The following AOAH variants were observed in gnomAD, a reference collection of about 807,000 sequenced individuals.
AOAH encodes acyloxyacyl hydrolase (neutrophil).
Under a neutral mutation model 92.2 loss-of-function variants are expected in AOAH, and 64 were observed. That is an observed-to-expected ratio of 0.69 (90% confidence interval 0.57 to 0.86). The LOEUF is 0.86. Among genes scored for constraint, AOAH ranks in the 40% least tolerant of loss-of-function variants. The probability of loss-of-function intolerance (pLI) is 0.00; values close to 1 mark genes in which losing one functional copy is unlikely to be tolerated. For missense variants in AOAH, 656 were observed against 694.6 expected, an observed-to-expected ratio of 0.94 and a Z score of 0.62; for synonymous variants, 263 against 254.5, an observed-to-expected ratio of 1.03 and a Z score of -0.32.
chr7:36,680,260 C>A (rs538118252), intron 2 of AOAH, among the ~76,000 whole-genome samples: 91 of 152,208 alleles, frequency 6.0e-4, no homozygotes, highest in African/African-American at 2.1e-3. Flanking sequence ...GTGGATGAAA[C>A]TGAGGGTCAG....
intron 18 of AOAH, among the ~76,000 whole-genome samples, chr7:36,530,964 A>G (rs1168432935): frequency 6.6e-6 from 1 of 151,362 alleles, no homozygotes; most frequent in African/African-American, 2.4e-5. Flanking sequence ...TTACACCTTT[A>G]GATATACGAT....
At chr7:36,626,593 G>A (rs1005512597) in intron 6 of AOAH, among the ~76,000 whole-genome samples, 4 of 151,864 alleles carry the variant, frequency 2.6e-5, no homozygotes, top group Non-Finnish European at 5.9e-5. Flanking sequence ...ACTGATATAG[G>A]GCAATTCGTA....
intron 1 of AOAH, among the ~76,000 whole-genome samples, chr7:36,718,345 C>T (rs989962602): frequency 3.9e-5 from 6 of 152,270 alleles, no homozygotes; most frequent in Non-Finnish European, 7.4e-5. Flanking sequence ...AACTTTCATA[C>T]ACCGCTGGTA....
intron 12 of AOAH, among the ~76,000 whole-genome samples, chr7:36,582,546 CA>C (rs1347978229): frequency 6.6e-6 from 1 of 152,214 alleles, no homozygotes; most frequent in African/African-American, 2.4e-5. Flanking sequence ...TCAGGGAACA[CA>C]AAAAAATCAC....
At chr7:36,564,916 C>T (rs73342558) in intron 13 of AOAH, among the ~76,000 whole-genome samples, 438 of 152,270 alleles carry the variant, frequency 2.9e-3, no homozygotes, top group African/African-American at 0.01. Flanking sequence ...ATCAGAATGT[C>T]TCCATTATTT....
intron 1 of AOAH, among the ~76,000 whole-genome samples, chr7:36,710,404 G>C (rs1263943561): frequency 6.6e-6 from 1 of 152,182 alleles, no homozygotes; most frequent in Non-Finnish European, 1.5e-5. Context: ...CTGATGGCTG[G>C]GAAGCAAATG....
chr7:36,520,967 A>T (rs1473017540), intron 20 of AOAH, among the ~76,000 whole-genome samples: 12 of 152,282 alleles, frequency 7.9e-5, no homozygotes. Flanking sequence ...GTGGGACGCC[A>T]CTTTTACTCA....
chr7:36,675,252 G>A (rs139746407), intron 2 of AOAH, among the ~76,000 whole-genome samples: 60 of 152,298 alleles, frequency 3.9e-4, no homozygotes, highest in African/African-American at 1.2e-3. Context: ...GTGAAACTCC[G>A]TCTCAAATAA....
chr7:36,663,457 G>C (rs1210086997), intron 3 of AOAH, among the ~76,000 whole-genome samples: 2 of 152,136 alleles, frequency 1.3e-5, no homozygotes, highest in Non-Finnish European at 2.9e-5. Context: ...AATGCTCTGT[G>C]TTATGCCTAT....
chr7:36,558,367 C>T (rs538711120), intron 13 of AOAH, among the ~76,000 whole-genome samples: 22 of 152,240 alleles, frequency 1.4e-4, no homozygotes, highest in African/African-American at 4.1e-4. Flanking sequence ...GAGGAGTACC[C>T]GGCCGTGTGA....
intron 13 of AOAH, among the ~76,000 whole-genome samples, chr7:36,567,924 T>C (rs1030240315): frequency 4.6e-5 from 7 of 152,344 alleles, no homozygotes; most frequent in Admixed American, 3.3e-4. Flanking sequence ...TCCTTTCCTT[T>C]ACCCAGCTTA....
chr7:36,600,625 G>A (rs1326032551), intron 11 of AOAH, among the ~76,000 whole-genome samples: 1 of 152,192 alleles, frequency 6.6e-6, no homozygotes, highest in Non-Finnish European at 1.5e-5. Context: ...GGTTCTGGTG[G>A]AACAAGAAAG....
At chr7:36,515,692 CATAA>C (rs1488334229) in intron 20 of AOAH, among the ~76,000 whole-genome samples, 2 of 95,396 alleles carry the variant, frequency 2.1e-5, no homozygotes, top group South Asian at 4.4e-4. Context: ...ACCACACACA[CATAA>C]TCACACACCC....
At chr7:36,517,230 C>CTTTCTTTCTTTCTTTCTG (rs1205876365) in intron 20 of AOAH, among the ~76,000 whole-genome samples, 1 of 83,104 alleles carries the variant, frequency 1.2e-5, no homozygotes, top group Non-Finnish European at 2.4e-5. Flanking sequence ...CTTTCTGTCT[C>CTTTCTTTCTTTCTTTCTG]TCTCTCTCTC....
intron 4 of AOAH, among the ~76,000 whole-genome samples, chr7:36,658,814 T>C (rs2116518913): frequency 6.6e-6 from 1 of 152,228 alleles, no homozygotes; most frequent in African/African-American, 2.4e-5. Flanking sequence ...GGCAGGAAAG[T>C]CCTGGGCAAA....
chr7:36,614,981 C>G lies in AOAH; in HGVS notation c.846+1399G>C, dbSNP rs1343950824. 6.6e-6 allele frequency among the ~76,000 whole-genome samples: 1 copy of G among 152,074 alleles called. No homozygotes were observed. The highest frequency in any genetic ancestry group is 1.9e-4 in the East Asian group (1 of 5,180). ...AGGCCTGAGTGTTTCAGGTTGGGAG[C>G]CTCAGTGCCTGGGAGGGTCTGTAAT... On this transcript the variant is annotated intron_variant, in intron 11 of 20. Transcript: ENST00000617537. This position sits in a 1 kb window ranked among gnomAD's most constrained non-coding sequence, Gnocchi z 4.2.
chr7:36,578,322 A>G (rs2116653648), intron 12 of AOAH, among the ~76,000 whole-genome samples: 1 of 152,306 alleles, frequency 6.6e-6, no homozygotes, highest in African/African-American at 2.4e-5. Context: ...AAAAGAACTA[A>G]ACATTATAAA....
intron 12 of AOAH, among the ~76,000 whole-genome samples, chr7:36,584,521 A>AT (rs138375849): frequency 0.022 from 3,379 of 152,088 alleles, 120 homozygotes; most frequent in African/African-American, 0.078. Flanking sequence ...TCTTTATTTC[A>AT]TTTTTTCCAC....
At chr7:36,617,172 G>C (rs1263822784) in intron 10 of AOAH, among the ~76,000 whole-genome samples, 1 of 152,112 alleles carries the variant, frequency 6.6e-6, no homozygotes, top group Admixed American at 6.5e-5. Flanking sequence ...TCATGCAAGA[G>C]GGTGGCCTAG....
Sources: allele counts gnomAD v4.1 joint callset (sites outside exome capture counted in the v4.1 genomes callset), GRCh38; gene constraint gnomAD v4.1.1; non-coding constraint Gnocchi (gnomAD v3.1); transcripts MANE v1.5; gene names NCBI Gene and HGNC (gene_info 2026-07-23, HGNC 2026-07-21).